Variants in EYA1 observed in about 807,000 individuals in gnomAD.
The protein encoded by EYA1 is protein phosphatase EYA1.
In EYA1, 16 loss-of-function variants were observed where a neutral mutation model predicts 82.0. The observed-to-expected ratio is 0.20, with a 90% CI of 0.13 to 0.30. The LOEUF (loss-of-function observed/expected upper bound fraction) is 0.30. Ranked by LOEUF, EYA1 falls within the 10% of genes least tolerant of loss-of-function variation. The pLI is 1.00. For missense variants in EYA1, 633 were observed against 730.7 expected (o/e 0.87, Z 1.54); for synonymous variants, 261 against 264.4 (o/e 0.99, Z 0.12).
At chr8:71,320,769 A>G (rs1371035971) in intron 6 of EYA1, among the ~76,000 whole-genome samples, 1 of 152,122 alleles carries the variant, frequency 6.6e-6, no homozygotes, top group East Asian at 1.9e-4. Context: ...TATTAATGAA[A>G]TACTTAAAGA....
At chr8:71,356,558 A>C in intron 1 of EYA1, 47 bp from the exon 2 acceptor site, 1 of 1,546,628 alleles carries the variant, frequency 6.5e-7, no homozygotes, top group East Asian at 2.4e-5. Flanking sequence ...ACTCTGCTTC[A>C]GTGTCAGCTC....
chr8:71,482,880 G>A (rs909895265), intron 2 of EYA1, among the ~76,000 whole-genome samples: 1 of 152,198 alleles, frequency 6.6e-6, no homozygotes, highest in Non-Finnish European at 1.5e-5. Context: ...GTGGGTATCA[G>A]CTGAAAGAGA....
chr8:71,523,819 A>G (rs1321963807), intron 2 of EYA1, among the ~76,000 whole-genome samples: 2 of 152,244 alleles, frequency 1.3e-5, no homozygotes, highest in African/African-American at 4.8e-5. Context: ...AGAAACATGT[A>G]TATCAATTTT....
At chr8:71,405,672 C>T (rs1490955805) in intron 2 of EYA1, among the ~76,000 whole-genome samples, 1 of 152,128 alleles carries the variant, frequency 6.6e-6, no homozygotes, top group Non-Finnish European at 1.5e-5. Context: ...CAAGTCTTTG[C>T]TTGGTAAACA....
chr8:71,456,170 G>A (rs577898018), intron 2 of EYA1, among the ~76,000 whole-genome samples: 1 of 152,108 alleles, frequency 6.6e-6, no homozygotes, highest in Admixed American at 6.5e-5. Context: ...GCTTCAAAGA[G>A]AATCAAATAC....
chr8:71,469,938 A>C (rs1394482784), intron 2 of EYA1, among the ~76,000 whole-genome samples: 2 of 152,068 alleles, frequency 1.3e-5, no homozygotes, highest in African/African-American at 4.8e-5. Context: ...GGGTCCCTGA[A>C]TTGCCCCAGC....
At chr8:71,236,879 C>T (rs1811899823) in intron 12 of EYA1, among the ~76,000 whole-genome samples, 1 of 152,168 alleles carries the variant, frequency 6.6e-6, no homozygotes, top group African/African-American at 2.4e-5. Flanking sequence ...GTAAAAGGAT[C>T]AGCACATCAA....
intron 2 of EYA1, among the ~76,000 whole-genome samples, chr8:71,502,948 C>T (rs905395129): frequency 6.6e-6 from 1 of 152,174 alleles, no homozygotes; most frequent in Non-Finnish European, 1.5e-5. Context: ...ACCAAACATG[C>T]ACACACAATT....
At chr8:71,381,805 A>T (rs1208271143) in intron 2 of EYA1, among the ~76,000 whole-genome samples, 2 of 152,190 alleles carry the variant, frequency 1.3e-5, no homozygotes, top group Non-Finnish European at 2.9e-5. Context: ...ACTCCCTATC[A>T]TACACAATCT....
intron 9 of EYA1, among the ~76,000 whole-genome samples, chr8:71,274,984 G>A (rs1816990331): frequency 1.3e-5 from 2 of 152,278 alleles, no homozygotes; most frequent in African/African-American, 4.8e-5. Context: ...GAGAGCGCAT[G>A]TCACATTTAA....
At chr8:71,244,801 C>G (rs976308310) in intron 11 of EYA1, 109 bp from the exon 12 acceptor site, 2 of 684,350 alleles carry the variant, frequency 2.9e-6, no homozygotes, top group South Asian at 1.7e-5. Context: ...GCAAGAGACA[C>G]AGAGAGAGAC....
intron 1 of EYA1, among the ~76,000 whole-genome samples, chr8:71,357,012 A>C (rs938227782): frequency 6.6e-6 from 1 of 152,132 alleles, no homozygotes; most frequent in African/African-American, 2.4e-5. Flanking sequence ...TCCTTATCAT[A>C]ATGGTTTTCT....
At chr8:71,294,328 G>T (rs955376130) in intron 9 of EYA1, among the ~76,000 whole-genome samples, 11 of 151,980 alleles carry the variant, frequency 7.2e-5, no homozygotes, top group African/African-American at 2.7e-4. Flanking sequence ...GCGTGGTAGC[G>T]GGCGCCTGTA....
intron 2 of EYA1, among the ~76,000 whole-genome samples, chr8:71,369,032 CAAAAAA>C (rs60647486): frequency 1.9e-4 from 21 of 112,830 alleles, no homozygotes; most frequent in African/African-American, 3.6e-4. Context: ...ACTAAAAATA[CAAAAAA>C]AAAAAAAAAA....
At chr8:71,283,861 A>G (rs935486877) in intron 9 of EYA1, among the ~76,000 whole-genome samples, 2 of 152,224 alleles carry the variant, frequency 1.3e-5, no homozygotes, top group Non-Finnish European at 2.9e-5. Flanking sequence ...TTCTAGGTTT[A>G]GGATTATTTC....
At chr8:71,522,984 T>C (rs762953593) in intron 2 of EYA1, among the ~76,000 whole-genome samples, 4 of 152,146 alleles carry the variant, frequency 2.6e-5, no homozygotes, top group Non-Finnish European at 5.9e-5. Flanking sequence ...TTTCATTTTG[T>C]AGCAAAATAC....
At chr8:71,259,756 G>C (rs1414735959) in intron 11 of EYA1, among the ~76,000 whole-genome samples, 2 of 152,002 alleles carry the variant, frequency 1.3e-5, no homozygotes, top group Non-Finnish European at 2.9e-5. Flanking sequence ...TCTCTTTTGG[G>C]GCTTTTAGAA....
At chr8:71,403,864 G>A (rs1383119879) in intron 2 of EYA1, 1 of 152,132 alleles carries the variant, frequency 6.6e-6, no homozygotes, top group African/African-American at 2.4e-5. Context: ...TGATAGCACT[G>A]GTTATTTCAA....
chr8:71,244,763 A>G (rs1812873677), intron 11 of EYA1, 71 bp from the exon 12 acceptor site: 2 of 921,866 alleles, frequency 2.2e-6, no homozygotes, highest in Non-Finnish European at 3.5e-6. Flanking sequence ...TCTCATTAAG[A>G]GGAAGCAGGC....
Sources: allele counts gnomAD v4.1 joint callset (sites outside exome capture counted in the v4.1 genomes callset), GRCh38; gene constraint gnomAD v4.1.1; transcripts MANE v1.5; gene names NCBI Gene and HGNC (gene_info 2026-07-23, HGNC 2026-07-21).